Variants in ATG10 observed in about 807,000 individuals in gnomAD.
The protein encoded by ATG10 is ubiquitin-like-conjugating enzyme ATG10.
Under a neutral mutation model 32.1 loss-of-function variants are expected in ATG10, and 30 were observed. That is an observed-to-expected ratio of 0.94 (90% confidence interval 0.70 to 1.27). ATG10 has a LOEUF of 1.27. ATG10 is among the 50% of genes most tolerant of loss of function. The pLI is 0.00. For missense variants in ATG10, 233 were observed against 262.3 expected, an observed-to-expected ratio of 0.89 and a Z score of 0.77; for synonymous variants, 87 against 91.5, an observed-to-expected ratio of 0.95 and a Z score of 0.28.
chr5:82,005,303 T>G (rs1761960817), intron 2 of ATG10, among the ~76,000 whole-genome samples: 1 of 152,192 alleles, frequency 6.6e-6, no homozygotes, highest in Non-Finnish European at 1.5e-5. Context: ...TTTCTTTTGT[T>G]TTGTTTTTTG....
At chr5:82,038,890 C>A (rs766355270) in intron 2 of ATG10, among the ~76,000 whole-genome samples, 1 of 152,148 alleles carries the variant, frequency 6.6e-6, no homozygotes, top group African/African-American at 2.4e-5. Context: ...CTCTGTCGCC[C>A]AGGCTGGAGT....
chr5:82,021,323 T>C (rs1581606361), intron 2 of ATG10, among the ~76,000 whole-genome samples: 1 of 152,296 alleles, frequency 6.6e-6, no homozygotes, highest in South Asian at 2.1e-4. Context: ...TTTTATTATA[T>C]AGTCATCCCT....
At chr5:81,982,964 G>C (rs1005796506) in intron 1 of ATG10, among the ~76,000 whole-genome samples, 2 of 152,228 alleles carry the variant, frequency 1.3e-5, no homozygotes, top group African/African-American at 4.8e-5. Context: ...TTTCTACACA[G>C]ACACGGCAAC....
chr5:82,242,984 G>T (rs1353666312), intron 5 of ATG10: 6 of 329,084 alleles, frequency 1.8e-5, no homozygotes, highest in Non-Finnish European at 3.5e-5. Context: ...AGATACAGCG[G>T]AAATACTAGA....
intron 5 of ATG10, among the ~76,000 whole-genome samples, chr5:82,214,199 T>C (rs1466542105): frequency 6.6e-6 from 1 of 152,176 alleles, no homozygotes; most frequent in Non-Finnish European, 1.5e-5. Flanking sequence ...TACATCATAA[T>C]CACAAATATT....
rs1864183 is a variant in ATG10, at chr5:82,253,397, C to T, written c.635C>T (p.Thr212Met). 0.47 allele frequency: 749,559 copies of T among 1,600,552 alleles called. 186,484 individuals carry two copies. Among genetic ancestry groups the T allele is most frequent in the East Asian group, 0.91 (40,886 of 44,798 alleles). ...CTACCTCTGAGTTATGCCAAAGCAA[C>T]GTCTCAGGATGAACGAAATGTCCCT... is the stretch of plus-strand genomic sequence containing the variant. Reference protein sequence around the residue: ...LNLPLSYAKATSQDERNVP With the variant: ...LNLPLSYAKAMSQDERNVP Residue 212 changes from threonine to methionine, a missense_variant, in exon 7 of 8, where the codon ACG (threonine) becomes ATG (methionine). By Grantham distance (81) the Thr-to-Met change is moderately conservative (BLOSUM62 -1). Coordinates refer to ENST00000282185, the MANE Select transcript of ATG10 (RefSeq NM_031482.5).
intron 5 of ATG10, among the ~76,000 whole-genome samples, chr5:82,224,509 ATT>A (rs1746043283): frequency 6.6e-6 from 1 of 152,186 alleles, no homozygotes; most frequent in Admixed American, 6.5e-5. Flanking sequence ...GTGGCATAAA[ATT>A]AGTAGTTGGG....
chr5:82,165,541 G>GTGA (rs1487551045), intron 4 of ATG10, among the ~76,000 whole-genome samples: 1 of 152,140 alleles, frequency 6.6e-6, no homozygotes, highest in Admixed American at 6.6e-5. Context: ...AGACTCCCTG[G>GTGA]TGAGAAGATT....
chr5:82,087,615 G>C (rs1255041119), intron 3 of ATG10, among the ~76,000 whole-genome samples: 1 of 152,186 alleles, frequency 6.6e-6, no homozygotes, highest in African/African-American at 2.4e-5. Context: ...TGATATAGTG[G>C]TGAACCTGAC....
intron 5 of ATG10, among the ~76,000 whole-genome samples, chr5:82,239,677 T>C (rs1408935200): frequency 1.3e-5 from 2 of 152,062 alleles, no homozygotes; most frequent in Non-Finnish European, 2.9e-5. Flanking sequence ...TATATAAATA[T>C]TGGGTCAAAA....
At position 82,157,679 on chromosome 5, in the gene ATG10, C is replaced by A. The variant is rs189393646; in HGVS notation, c.217-6720C>A. Among the ~76,000 whole-genome samples, 223 of 152,302 alleles carry A rather than the reference C, an allele frequency of 1.5e-3. 1 individual carries two copies. The highest frequency in any genetic ancestry group is 6.4e-3 in the South Asian group (31 of 4,824). ...TTTTCAGTGGTTTATCAGAAGGCTT[C>A]ATCAGTCGTTATCACTTCTGAAAAT... On this transcript the variant is annotated intron_variant, in intron 3 of 7. Coordinates refer to ENST00000282185, the MANE Select transcript of ATG10 (RefSeq NM_031482.5).
intron 2 of ATG10, among the ~76,000 whole-genome samples, chr5:82,021,917 G>A (rs930702151): frequency 1.3e-5 from 2 of 152,056 alleles, no homozygotes; most frequent in Non-Finnish European, 2.9e-5. Flanking sequence ...CAGCTACTCA[G>A]GAGGCTGAGG....
intron 2 of ATG10, among the ~76,000 whole-genome samples, chr5:82,052,708 C>T (rs543581224): frequency 5.9e-5 from 9 of 152,248 alleles, no homozygotes; most frequent in African/African-American, 2.2e-4. Context: ...ATAGCCTGTA[C>T]AGTTACATTT....
intron 3 of ATG10, among the ~76,000 whole-genome samples, chr5:82,133,780 T>C (rs1053217850): frequency 5.9e-5 from 9 of 152,118 alleles, no homozygotes; most frequent in Non-Finnish European, 1.0e-4. Flanking sequence ...GGTAGCTTGA[T>C]GGGAATAGCA....
chr5:82,212,297 G>T (rs150279446), intron 5 of ATG10, among the ~76,000 whole-genome samples: 3 of 152,264 alleles, frequency 2.0e-5, no homozygotes, highest in East Asian at 3.9e-4. Flanking sequence ...TCCACTGCCA[G>T]CTCCCTCCCT....
At position 82,191,117 on chromosome 5, in the gene ATG10, A is replaced by G. The variant is rs914342495; in HGVS notation, c.453+12530A>G. On this transcript the variant is annotated intron_variant, in intron 5 of 7. Coordinates refer to ENST00000282185, the MANE Select transcript of ATG10 (RefSeq NM_031482.5). ...CAAAGTGCTCACTGATACTGATCATAATCATTCTTCTTAATGTGTTACAGT... is the reference window on the plus strand; with the variant it reads ...CAAAGTGCTCACTGATACTGATCATGATCATTCTTCTTAATGTGTTACAGT... Among the ~76,000 whole-genome samples the G allele has an allele frequency of 3.3e-5, 5 of 152,228 alleles. No individual in the cohort carries two copies. In the East Asian group the frequency reaches 9.6e-4, roughly 29 times the overall value.
intron 3 of ATG10, among the ~76,000 whole-genome samples, chr5:82,122,955 C>T (rs1001006018): frequency 3.9e-5 from 6 of 152,160 alleles, no homozygotes; most frequent in Non-Finnish European, 8.8e-5. Context: ...TGTGGTAACT[C>T]CTTAAATAGC....
At chr5:82,048,706 AAAAC>A (rs1414054130) in intron 2 of ATG10, among the ~76,000 whole-genome samples, 3 of 152,050 alleles carry the variant, frequency 2.0e-5, no homozygotes, top group Non-Finnish European at 4.4e-5. Flanking sequence ...TTACAAGAAA[AAAAC>A]AAACAACCCC....
At chr5:82,084,864 C>A (rs1019959899) in intron 3 of ATG10, among the ~76,000 whole-genome samples, 13 of 152,146 alleles carry the variant, frequency 8.5e-5, no homozygotes, top group African/African-American at 2.9e-4. Context: ...ACGGTACCAG[C>A]CACTGCCAAA....
Sources: allele counts gnomAD v4.1 joint callset (sites outside exome capture counted in the v4.1 genomes callset), GRCh38; gene constraint gnomAD v4.1.1; transcripts MANE v1.5; gene names NCBI Gene and HGNC (gene_info 2026-07-23, HGNC 2026-07-21).